The following TRIM66 variants were observed in gnomAD, a reference collection of about 807,000 sequenced individuals.
TRIM66 encodes the protein tripartite motif-containing protein 66.
A neutral mutation model predicts 148.2 loss-of-function variants in TRIM66; 99 were observed. The ratio of observed to expected loss-of-function variants is 0.67; its 90% CI spans 0.57 to 0.79. TRIM66 has a LOEUF of 0.79. Among genes scored for constraint, TRIM66 ranks in the 30% least tolerant of loss-of-function variants. The probability of loss-of-function intolerance (pLI) is 0.00; values close to 1 mark genes in which losing one functional copy is unlikely to be tolerated. For missense variants in TRIM66, 1,666 were observed against 1,697.9 expected, an observed-to-expected ratio of 0.98 and a Z score of 0.33; for synonymous variants, 616 against 635.9, an observed-to-expected ratio of 0.97 and a Z score of 0.47.
chr11:8,621,605 C>T, intron 19 of TRIM66, 40 bp downstream of exon 19: 1 of 1,477,484 alleles, frequency 6.8e-7, no homozygotes, highest in Non-Finnish European at 9.0e-7. Flanking sequence ...AGCTCTTAGG[C>T]TGGGCCAGGG....
At chr11:8,655,530 C>A (rs1263294529) in intron 6 of TRIM66, among the ~76,000 whole-genome samples, 1 of 151,918 alleles carries the variant, frequency 6.6e-6, no homozygotes, top group Non-Finnish European at 1.5e-5. Context: ...TGCCTGTAAT[C>A]CCAACATTTT....
At chr11:8,622,557 A>T (rs889844438) in intron 18 of TRIM66, among the ~76,000 whole-genome samples, 2 of 151,030 alleles carry the variant, frequency 1.3e-5, no homozygotes, top group Admixed American at 1.3e-4. Flanking sequence ...GGGAAGCCCT[A>T]TGGTGTAGTC....
At position 8,682,636 on chromosome 11, in the gene TRIM66, G is replaced by A; in HGVS notation, c.-583C>T. Reference sequence around the variant, plus strand: ...CACCGCCACCAGGACACTCCGTGATGGGGGATCACCACCCTCAGAAAGAGG... The same window carrying A: ...CACCGCCACCAGGACACTCCGTGATAGGGGATCACCACCCTCAGAAAGAGG... On this transcript the variant is annotated 5_prime_UTR_variant, in exon 1 of 25. Coordinates refer to ENST00000646038, the MANE Select transcript of TRIM66 (RefSeq NM_001388022.1). 2.8e-6 allele frequency: 2 copies of A among 709,558 alleles called. No individual in the cohort carries two copies. The highest frequency in any genetic ancestry group is 5.0e-6 in the Non-Finnish European group (2 of 397,742). 44.0% of individuals were successfully genotyped at this position (709,558 alleles called of 1,614,324 possible).
chr11:8,631,796 C>T (rs1331822890), intron 15 of TRIM66, among the ~76,000 whole-genome samples: 5 of 152,238 alleles, frequency 3.3e-5, no homozygotes, highest in Non-Finnish European at 7.3e-5. Context: ...TAGATACCCA[C>T]ATATGAGTTT....
In TRIM66 at chr11:8,623,041, G is replaced by A. The variant is rs1023618421; in HGVS notation, c.3020-165C>T. The stretch of plus-strand genomic sequence containing the variant: ...CATACATAGTGGTGACAAGTCTGCC[G>A]TGGATCTCCTTCTTGAGAGGAGGAA... On this transcript the variant is annotated intron_variant, in intron 17 of 24. Coordinates refer to ENST00000646038, the MANE Select transcript of TRIM66 (RefSeq NM_001388022.1). Among the ~76,000 whole-genome samples, 3 of 152,168 alleles carry A rather than the reference G, an allele frequency of 2.0e-5. No homozygotes were observed. The South Asian group carries it at 6.2e-4, about 31-fold the overall frequency.
intron 6 of TRIM66, among the ~76,000 whole-genome samples, chr11:8,654,172 C>G (rs1434205555): frequency 1.3e-5 from 2 of 152,252 alleles, no homozygotes; most frequent in African/African-American, 4.8e-5. Context: ...CACACATCCT[C>G]TGCTCCCTTG....
chr11:8,625,565 C>T (rs955012887), intron 15 of TRIM66, among the ~76,000 whole-genome samples: 1 of 120,152 alleles, frequency 8.3e-6, no homozygotes, highest in Non-Finnish European at 1.8e-5. Context: ...GACACACACA[C>T]AGACACACAC....
chr11:8,613,076 G>C lies in TRIM66; in HGVS notation c.*4868C>G, dbSNP rs1194293926. 1 of 152,244 alleles carries C rather than the reference G, an allele frequency of 6.6e-6. No individual in the cohort carries two copies. Among genetic ancestry groups the C allele is most frequent in the Non-Finnish European group, 1.5e-5 (1 of 68,088 alleles). 9.4% of individuals were successfully genotyped at this position (152,244 alleles called of 1,614,324 possible). ...GAGCTCATAAACATGGTTGGCATGA[G>C]GAGAACTGAGTTCAGGAAAAGGAAG... On this transcript the variant is annotated 3_prime_UTR_variant, in exon 25 of 25. Transcript: ENST00000646038.
At chr11:8,657,032 G>C (rs1237120681) in intron 6 of TRIM66, among the ~76,000 whole-genome samples, 6 of 152,210 alleles carry the variant, frequency 3.9e-5, no homozygotes, top group Non-Finnish European at 5.9e-5. Context: ...CTGGGACCTA[G>C]AACATGTGCT....
At chr11:8,676,055 G>A (rs937888988) in intron 3 of TRIM66, among the ~76,000 whole-genome samples, 3 of 152,158 alleles carry the variant, frequency 2.0e-5, no homozygotes, top group Non-Finnish European at 2.9e-5. Flanking sequence ...TAAAAGGCTA[G>A]TTTAACTTGC....
At chr11:8,623,907 C>A (rs181241164) in intron 17 of TRIM66, among the ~76,000 whole-genome samples, 3 of 152,158 alleles carry the variant, frequency 2.0e-5, no homozygotes, top group East Asian at 3.8e-4. Flanking sequence ...GAAGTAGGTG[C>A]GATTGGCCCC....
chr11:8,680,091 C>T (rs1004671157), intron 1 of TRIM66, 28 bp from the exon 2 acceptor site: 1 of 152,118 alleles, frequency 6.6e-6, no homozygotes, highest in Non-Finnish European at 1.5e-5. Context: ...ATAAAGTTGG[C>T]CTTAAAGGTT....
chr11:8,673,840 T>G (rs928143781), intron 4 of TRIM66, among the ~76,000 whole-genome samples: 11 of 152,234 alleles, frequency 7.2e-5, no homozygotes, highest in African/African-American at 2.7e-4. Flanking sequence ...TTAATTCAAA[T>G]CTGGGTCTTG....
At chr11:8,620,712 G>A (rs1397337720) in intron 20 of TRIM66, 140 bp from the exon 21 acceptor site, 3 of 1,379,202 alleles carry the variant, frequency 2.2e-6, no homozygotes, top group African/African-American at 1.5e-5. Flanking sequence ...CCACAGGCTT[G>A]GAAGAAATTC....
intron 6 of TRIM66, among the ~76,000 whole-genome samples, chr11:8,668,609 G>C (rs1295614275): frequency 6.6e-6 from 1 of 150,462 alleles, no homozygotes; most frequent in African/African-American, 2.4e-5. Context: ...TTTTTGAGAT[G>C]GAGTCTCGCT....
intron 14 of TRIM66, among the ~76,000 whole-genome samples, 198 bp downstream of exon 14, chr11:8,640,029 C>T (rs1217174068): frequency 6.6e-6 from 1 of 152,164 alleles, no homozygotes; most frequent in Non-Finnish European, 1.5e-5. Flanking sequence ...TAATTTGGGA[C>T]TGGGTACTAT....
rs992575123 is a variant in TRIM66, at chr11:8,640,196, A to G, written c.2148+31T>C. 3 of 1,540,824 alleles carry G rather than the reference A, an allele frequency of 1.9e-6. No individual in the cohort carries two copies. In the African/African-American group the frequency reaches 4.1e-5, roughly 21 times the overall value. ...CCCTGAGTGATCCTACGATGGGCAG[A>G]ATATGCACGCCAAGCCACCCTGACG... On this transcript the variant is annotated intron_variant, in intron 14 of 24. Coordinates refer to ENST00000646038, the MANE Select transcript of TRIM66 (RefSeq NM_001388022.1).
chr11:8,632,508 T>G (rs1592062471), intron 15 of TRIM66, among the ~76,000 whole-genome samples: 1 of 136,630 alleles, frequency 7.3e-6, no homozygotes. Flanking sequence ...CAGGCTGGGG[T>G]GCAGTCAGAC....
chr11:8,626,697 ACAT>A (rs962201905), intron 15 of TRIM66, among the ~76,000 whole-genome samples: 3 of 152,202 alleles, frequency 2.0e-5, no homozygotes, highest in African/African-American at 7.2e-5. Context: ...GGATCCGATC[ACAT>A]CATTTCTTTT....
Sources: allele counts gnomAD v4.1 joint callset (sites outside exome capture counted in the v4.1 genomes callset), GRCh38; gene constraint gnomAD v4.1.1; transcripts MANE v1.5; gene names NCBI Gene and HGNC (gene_info 2026-07-23, HGNC 2026-07-21).